ZBTB7C: variants seen among roughly 807,000 people sequenced by gnomAD.
ZBTB7C encodes the protein zinc finger and BTB domain-containing protein 7C.
ZBTB7C carries 8 observed loss-of-function variants against 25.7 expected under a neutral mutation model. The observed-to-expected ratio is 0.31, with a 90% CI of 0.18 to 0.56. The LOEUF is 0.56. Ranked by LOEUF, ZBTB7C falls within the 20% of genes least tolerant of loss-of-function variation. ZBTB7C has a pLI of 0.91. For synonymous variants in ZBTB7C, 394 were observed against 369.0 expected, an observed-to-expected ratio of 1.07 and a Z score of -0.78; for missense variants, 824 against 855.2, an observed-to-expected ratio of 0.96 and a Z score of 0.46.
At chr18:48,173,852 C>T (rs1345222478) in intron 3 of ZBTB7C, among the ~76,000 whole-genome samples, 3 of 152,206 alleles carry the variant, frequency 2.0e-5, no homozygotes, top group Non-Finnish European at 1.5e-5. Context: ...GATCTTGATG[C>T]CTCGTGTGAA....
At chr18:48,073,769 G>GGCTGGCA (rs1377501797) in intron 3 of ZBTB7C, among the ~76,000 whole-genome samples, 1 of 152,122 alleles carries the variant, frequency 6.6e-6, no homozygotes, top group Non-Finnish European at 1.5e-5. Flanking sequence ...GCTGTCCTGT[G>GGCTGGCA]GCTGGCAGCT....
chr18:48,230,189 A>C (rs1282066037), intron 2 of ZBTB7C, among the ~76,000 whole-genome samples: 2 of 152,236 alleles, frequency 1.3e-5, no homozygotes, highest in African/African-American at 4.8e-5. Flanking sequence ...CTCATCAAAC[A>C]ACACTCCCCT....
intron 3 of ZBTB7C, among the ~76,000 whole-genome samples, chr18:48,101,367 G>C (rs747513473): frequency 6.6e-6 from 1 of 152,188 alleles, no homozygotes; most frequent in Non-Finnish European, 1.5e-5. Context: ...AATAGTCAAA[G>C]TAAACAGGTG....
intron 3 of ZBTB7C, among the ~76,000 whole-genome samples, chr18:48,139,646 C>A (rs1568249918): frequency 6.6e-6 from 1 of 152,156 alleles, no homozygotes. Context: ...TGTGTGTGCC[C>A]TGCTGGGACA....
intron 3 of ZBTB7C, among the ~76,000 whole-genome samples, chr18:48,127,853 C>T (rs1479066978): frequency 6.6e-6 from 1 of 152,176 alleles, no homozygotes; most frequent in African/African-American, 2.4e-5. Flanking sequence ...AAGCTGTCCC[C>T]TCGGCAGGGA....
At chr18:48,234,006 AGTCCTTTCCC>A (rs2043316904) in intron 2 of ZBTB7C, among the ~76,000 whole-genome samples, 1 of 152,144 alleles carries the variant, frequency 6.6e-6, no homozygotes. Flanking sequence ...TTCCAGTGAA[AGTCCTTTCCC>A]ATGTATCAAC....
intron 3 of ZBTB7C, among the ~76,000 whole-genome samples, chr18:48,136,630 C>T (rs2040175197): frequency 1.3e-5 from 2 of 152,224 alleles, no homozygotes; most frequent in Admixed American, 6.5e-5. Flanking sequence ...CCCTTACGTT[C>T]CTTCGGCTGG....
chr18:48,112,658 C>T (rs1029250428), intron 3 of ZBTB7C, among the ~76,000 whole-genome samples: 1 of 151,982 alleles, frequency 6.6e-6, no homozygotes, highest in Non-Finnish European at 1.5e-5. Flanking sequence ...CTACTTTTAC[C>T]GTTTTAAAAA....
At chr18:48,032,427 T>TG in intron 4 of ZBTB7C, among the ~76,000 whole-genome samples, 1 of 109,536 alleles carries the variant, frequency 9.1e-6, no homozygotes, top group Admixed American at 8.5e-5. Context: ...GGTAGGTTTT[T>TG]TTTTTTTTTT....
intron 3 of ZBTB7C, among the ~76,000 whole-genome samples, chr18:48,045,520 AAG>A (rs754374028): frequency 5.7e-4 from 87 of 152,246 alleles, no homozygotes; most frequent in Non-Finnish European, 1.1e-3. Flanking sequence ...TGTACCTTTG[AAG>A]CCCCTACTCT....
chr18:48,404,371 T>C (rs1568428253), intron 1 of ZBTB7C, among the ~76,000 whole-genome samples: 2 of 152,094 alleles, frequency 1.3e-5, no homozygotes, highest in African/African-American at 4.8e-5. Flanking sequence ...ATGAGCTCAA[T>C]GTGTTTAAGA....
intron 2 of ZBTB7C, among the ~76,000 whole-genome samples, chr18:48,278,754 A>T (rs1405453667): frequency 6.6e-6 from 1 of 152,224 alleles, no homozygotes; most frequent in South Asian, 2.1e-4. Context: ...GACCTATATG[A>T]TCATGAGCAA....
intron 1 of ZBTB7C, among the ~76,000 whole-genome samples, chr18:48,352,677 T>C (rs572079354): frequency 1.3e-5 from 2 of 152,244 alleles, no homozygotes; most frequent in South Asian, 4.1e-4. Flanking sequence ...GATGAAAGTA[T>C]GCCTCAAGGG....
intron 1 of ZBTB7C, among the ~76,000 whole-genome samples, chr18:48,355,736 G>A (rs1183346844): frequency 2.0e-5 from 3 of 152,152 alleles, no homozygotes; most frequent in African/African-American, 7.2e-5. Context: ...GAAGTCTCCC[G>A]TGCACCCCTG....
rs563421989 is a variant in ZBTB7C at position 48,229,753 on chromosome 18, A to G, written c.-78-43758T>C. Among the ~76,000 whole-genome samples, 26 of 152,256 alleles carry G rather than the reference A, an allele frequency of 1.7e-4. No individual in the cohort carries two copies. In the South Asian group the frequency reaches 2.1e-3, roughly 12 times the overall value. ...GTCGAAGAGTCTGCAGGGAGGCCCGAGGAAGACGTGGGGGAGTTGGACAGC... is the reference window on the plus strand; with the variant it reads ...GTCGAAGAGTCTGCAGGGAGGCCCGGGGAAGACGTGGGGGAGTTGGACAGC... On this transcript the variant is annotated intron_variant, in intron 2 of 4. Transcript: ENST00000590800.
chr18:48,274,117 G>A (rs1457751965), intron 2 of ZBTB7C, among the ~76,000 whole-genome samples: 1 of 152,040 alleles, frequency 6.6e-6, no homozygotes, highest in Admixed American at 6.6e-5. Context: ...GATGCTTTTT[G>A]CTCTAGTTAC....
chr18:48,346,303 C>T (rs1357683117), intron 1 of ZBTB7C, among the ~76,000 whole-genome samples: 1 of 152,248 alleles, frequency 6.6e-6, no homozygotes, highest in African/African-American at 2.4e-5. Flanking sequence ...AGGCTCTTTG[C>T]CATGCTGAGC....
intron 2 of ZBTB7C, among the ~76,000 whole-genome samples, chr18:48,267,423 G>A (rs772820430): frequency 4.7e-4 from 71 of 152,286 alleles, no homozygotes; most frequent in Admixed American, 9.2e-4. Context: ...TTGCACAAAG[G>A]GAAATGCATT....
At chr18:48,057,042 A>C in intron 3 of ZBTB7C, among the ~76,000 whole-genome samples, 1 of 147,094 alleles carries the variant, frequency 6.8e-6, no homozygotes, top group East Asian at 2.0e-4. Flanking sequence ...GTTTATTAGA[A>C]AAATTGTCAA....
Sources: allele counts gnomAD v4.1 joint callset (sites outside exome capture counted in the v4.1 genomes callset), GRCh38; gene constraint gnomAD v4.1.1; transcripts MANE v1.5; gene names NCBI Gene and HGNC (gene_info 2026-07-23, HGNC 2026-07-21).